Variants in UCN3 observed in about 807,000 individuals in gnomAD.
UCN3 encodes the protein urocortin-3.
A neutral mutation model predicts 3.6 loss-of-function variants in UCN3; 3 were observed. The observed-to-expected ratio is 0.83, with a 90% confidence interval of 0.38 to 2.15. The LOEUF is 2.15. UCN3 is among the 30% of genes most tolerant of loss of function. The probability of loss-of-function intolerance (pLI) is 0.06; values close to 1 mark genes in which losing one functional copy is unlikely to be tolerated. For synonymous variants in UCN3, 100 were observed against 93.2 expected, an observed-to-expected ratio of 1.07 and a Z score of -0.42; for missense variants, 206 against 208.3, an observed-to-expected ratio of 0.99 and a Z score of 0.07.
intron 1 of UCN3, among the ~76,000 whole-genome samples, chr10:5,369,587 A>T (rs139429802): frequency 8.7e-4 from 133 of 152,320 alleles, no homozygotes; most frequent in African/African-American, 3.1e-3. Context: ...TGTTGTTCTC[A>T]CTTCGCCAGG....
chr10:5,371,617 C>A (rs576845859), intron 1 of UCN3, among the ~76,000 whole-genome samples: 1 of 152,098 alleles, frequency 6.6e-6, no homozygotes, highest in African/African-American at 2.4e-5. Flanking sequence ...TGGGAAATGG[C>A]CTCGTCAAGG....
chr10:5,370,618 TGTATATGC>T (rs1265543808), intron 1 of UCN3, among the ~76,000 whole-genome samples: 1 of 119,436 alleles, frequency 8.4e-6, no homozygotes, highest in Admixed American at 9.3e-5. Context: ...TGTATATGCG[TGTATATGC>T]GTGTGTATGT....
At chr10:5,370,049 G>A (rs1321374084) in intron 1 of UCN3, among the ~76,000 whole-genome samples, 2 of 116,270 alleles carry the variant, frequency 1.7e-5, no homozygotes, top group East Asian at 5.7e-4. Context: ...GTATATGCGT[G>A]TGTATGTGTG....
At chr10:5,370,649 GTGTGTATGTGTGTGTA>G (rs1171769778) in intron 1 of UCN3, among the ~76,000 whole-genome samples, 2 of 73,576 alleles carry the variant, frequency 2.7e-5, no homozygotes, top group African/African-American at 1.4e-4. Flanking sequence ...GTGTATATGT[GTGTGTATGTGTGTGTA>G]TGTGTGTGTA....
rs1385406789 is a variant in UCN3 at position 5,370,872 on chromosome 10, T to TGCGTGTATATGC, written c.-6-2842_-6-2841insCGTGTATATGCG. On this transcript the variant is annotated intron_variant, in intron 1 of 1. Transcript: ENST00000380433. Reference sequence around the variant, plus strand: ...GTGCGCGTGTGTGTGCGTGTGTATGTGTGTGTATATGCGTGTGTATATGCG... The same window carrying TGCGTGTATATGC: ...GTGCGCGTGTGTGTGCGTGTGTATGTGCGTGTATATGCGTGTGTATATGCGTGTGTATATGCG... 2.4e-5 allele frequency among the ~76,000 whole-genome samples: 2 copies of TGCGTGTATATGC among 81,680 alleles called. 1 individual carries two copies. The highest frequency in any genetic ancestry group is 1.0e-4 in the African/African-American group (2 of 19,698). The allele number at this position is 81,680 out of a possible 152,430, so 53.6% of individuals were successfully genotyped here.
Position 5,374,021 on chromosome 10 carries a change from G to T in UCN3, c.301G>T (p.Ala101Ser). ...RGTRYRYVSQ[A>S]QPRGKPRQDT... ...CACCCGGTACAGATACGTGTCCCAAGCACAGCCCAGGGGAAAGCCACGCCA... is the reference window on the plus strand; with the variant it reads ...CACCCGGTACAGATACGTGTCCCAATCACAGCCCAGGGGAAAGCCACGCCA... Residue 101 changes from alanine (A) to serine (S), a missense_variant, in exon 2 of 2, where the codon GCA becomes TCA. Physicochemically the swap from Ala to Ser is moderately conservative, Grantham distance 99 (BLOSUM62 1). Transcript: ENST00000380433. 6.2e-7 allele frequency: 1 copy of T among 1,611,984 alleles called. No homozygotes were observed.
intron 1 of UCN3, among the ~76,000 whole-genome samples, chr10:5,372,884 G>A (rs1831449742): frequency 6.6e-6 from 1 of 151,962 alleles, no homozygotes; most frequent in Non-Finnish European, 1.5e-5. Context: ...TTAAATAAAA[G>A]AATGGATTCA....
intron 1 of UCN3, among the ~76,000 whole-genome samples, chr10:5,368,060 G>A (rs1199397422): frequency 2.0e-5 from 3 of 152,140 alleles, no homozygotes; most frequent in Non-Finnish European, 1.5e-5. Context: ...ATGGAGTGCA[G>A]TAGCATGATC....
chr10:5,372,426 C>T (rs1380008343), intron 1 of UCN3, among the ~76,000 whole-genome samples: 1 of 152,232 alleles, frequency 6.6e-6, no homozygotes, highest in African/African-American at 2.4e-5. Context: ...TCTTGTTTGA[C>T]ACTGTTGATC....
In UCN3 at chr10:5,370,881, A is replaced by ATGTGTGTATATGCGTGTGTATG. The variant is rs1564443751; in HGVS notation, c.-6-2832_-6-2831insTGTGTATATGCGTGTGTATGTG. Among the ~76,000 whole-genome samples, 227 of 80,542 alleles carry ATGTGTGTATATGCGTGTGTATG rather than the reference A, an allele frequency of 2.8e-3. 17 individuals are homozygous for ATGTGTGTATATGCGTGTGTATG. Among genetic ancestry groups the ATGTGTGTATATGCGTGTGTATG allele is most frequent in the African/African-American group, 0.011 (215 of 19,056 alleles). 52.8% of individuals were successfully genotyped at this position (80,542 alleles called of 152,430 possible). ...TGTGTGCGTGTGTATGTGTGTGTAT[A>ATGTGTGTATATGCGTGTGTATG]TGCGTGTGTATATGCGTGTGTATAT... is the stretch of plus-strand genomic sequence containing the variant. On this transcript the variant is annotated intron_variant, in intron 1 of 1. Transcript: ENST00000380433.
chr10:5,369,947 G>T (rs1564442132), intron 1 of UCN3, among the ~76,000 whole-genome samples: 2 of 128,960 alleles, frequency 1.6e-5, no homozygotes, highest in African/African-American at 6.6e-5. Context: ...GTATGTGTGT[G>T]TATATGTGTG....
chr10:5,373,650 T>C (rs2119113983), intron 1 of UCN3, 65 bp from the exon 2 acceptor site: 1 of 1,552,198 alleles, frequency 6.4e-7, no homozygotes. Context: ...TAGATTTTAA[T>C]CCAGGTCCTC....
rs1831468482 is a variant in UCN3 at position 5,374,086 on chromosome 10, G to A, written c.366G>A (p.Leu122=). ...GTCCCCACCGCACCAAGTTCACCCT[G>A]TCCCTCGACGTCCCCACCAACATCA... ...AKSPHRTKFT[L]SLDVPTNIMN... The change falls in exon 2 of 2, where the codon CTG becomes CTA. Residue 122 remains leucine (L), a synonymous_variant. Coordinates refer to ENST00000380433, the MANE Select transcript of UCN3 (RefSeq NM_053049.4). 6.2e-7 allele frequency: 1 copy of A among 1,613,652 alleles called. No homozygotes were observed. The highest frequency in any genetic ancestry group is 8.5e-7 in the Non-Finnish European group (1 of 1,179,904).
rs1355415866 is a variant in UCN3 at position 5,366,293 on chromosome 10, T to C, written c.-7+1063T>C. Among the ~76,000 whole-genome samples the C allele has an allele frequency of 2.0e-5, 3 of 152,204 alleles. No homozygotes were observed. The highest frequency in any genetic ancestry group is 2.9e-5 in the Non-Finnish European group (2 of 68,036). On this transcript the variant is annotated intron_variant, in intron 1 of 1. Coordinates refer to ENST00000380433, the MANE Select transcript of UCN3 (RefSeq NM_053049.4). This position sits in a 1 kb window ranked among gnomAD's most constrained non-coding sequence, Gnocchi z 4.2. Reference sequence around the variant, plus strand: ...TCCTCGACAAGTGCTACTGTCACCATAGCCCAAAGGAATGGTTGAGTTTCA... The same window carrying C: ...TCCTCGACAAGTGCTACTGTCACCACAGCCCAAAGGAATGGTTGAGTTTCA...
In UCN3 at chr10:5,374,494, C is replaced by T. The variant is rs1554811857; in HGVS notation, c.*288C>T. 5.9e-6 allele frequency: 2 copies of T among 338,200 alleles called. No individual in the cohort carries two copies. The highest frequency in any genetic ancestry group is 2.1e-5 in the African/African-American group (1 of 47,810). 20.9% of individuals were successfully genotyped at this position (338,200 alleles called of 1,614,324 possible). On this transcript the variant is annotated 3_prime_UTR_variant, in exon 2 of 2. Coordinates refer to ENST00000380433, the MANE Select transcript of UCN3 (RefSeq NM_053049.4). ...TACTCAGCGTCTCCTTCCTCCCTCC[C>T]CACAGCAAGAGGCAAAGTTCATGCA...
Position 5,370,759 on chromosome 10 carries a change from GTA to G in UCN3, c.-6-2952_-6-2951del, listed in dbSNP as rs782527629. Among the ~76,000 whole-genome samples the G allele has an allele frequency of 9.3e-4, 126 of 136,024 alleles. 17 individuals carry two copies. In the East Asian group the frequency reaches 0.028, roughly 30 times the overall value. 89.2% of individuals were successfully genotyped at this position (136,024 alleles called of 152,430 possible). A position where few individuals can be genotyped will look rare whatever the true frequency, so the allele number is the denominator to read the frequency against. On this transcript the variant is annotated intron_variant, in intron 1 of 1. Transcript: ENST00000380433. The stretch of plus-strand genomic sequence containing the variant: ...ATATGTGTGTGTATATGATGTGTGT[GTA>G]TATGCGTGTGTATATGCGTGTGTGT...
At chr10:5,370,817 G>GTGTATA (rs1470649885) in intron 1 of UCN3, among the ~76,000 whole-genome samples, 2 of 106,164 alleles carry the variant, frequency 1.9e-5, no homozygotes, top group African/African-American at 3.7e-5. Context: ...GTGTGTGCGT[G>GTGTATA]TGTGTGCGCG....
chr10:5,372,089 G>A (rs951953651), intron 1 of UCN3, among the ~76,000 whole-genome samples: 1 of 152,158 alleles, frequency 6.6e-6, no homozygotes, highest in Non-Finnish European at 1.5e-5. Flanking sequence ...ATAACACTCC[G>A]GACATGTGCC....
rs1491312701 is a variant in UCN3 at position 5,370,122 on chromosome 10, T to TATGC, written c.-6-3593_-6-3592insATGC. ...ATATGCGTGTGTATATGTGTGTGTATGTGTGTGTATGTGTGTGTATGCGTG... is the reference window on the plus strand; with the variant it reads ...ATATGCGTGTGTATATGTGTGTGTATATGCGTGTGTGTATGTGTGTGTATGCGTG... On this transcript the variant is annotated intron_variant, in intron 1 of 1. Coordinates refer to ENST00000380433, the MANE Select transcript of UCN3 (RefSeq NM_053049.4). Among the ~76,000 whole-genome samples, 68 of 86,780 alleles carry TATGC rather than the reference T, an allele frequency of 7.8e-4. 5 individuals carry two copies. Among genetic ancestry groups the TATGC allele is most frequent in the African/African-American group, 4.2e-3 (66 of 15,676 alleles). 56.9% of individuals were successfully genotyped at this position (86,780 alleles called of 152,430 possible).
Sources: gnomAD v4.1 joint callset for allele counts (sites outside exome capture counted in the v4.1 genomes callset) on GRCh38, gnomAD v4.1.1 for gene constraint, Gnocchi (gnomAD v3.1) non-coding constraint, MANE v1.5 for transcripts, NCBI Gene and HGNC (gene_info 2026-07-23, HGNC 2026-07-21) for gene names.